ZBTB49: variants seen among roughly 807,000 people sequenced by gnomAD.
ZBTB49 encodes zinc finger and BTB domain containing 49.
A neutral mutation model predicts 57.5 loss-of-function variants in ZBTB49; 43 were observed. That is an observed-to-expected ratio of 0.75 (90% CI 0.59 to 0.97). The LOEUF (loss-of-function observed/expected upper bound fraction) is 0.97. Ranked by LOEUF, ZBTB49 falls within the 50% of genes least tolerant of loss-of-function variation. The pLI, the probability that ZBTB49 is intolerant of heterozygous loss-of-function variation, is 0.00. For missense variants in ZBTB49, 938 were observed against 947.7 expected (o/e 0.99, Z 0.13); for synonymous variants, 369 against 362.1 (o/e 1.02, Z -0.22).
chr4:4,300,061 A>T lies in ZBTB49; in HGVS notation c.116A>T (p.His39Leu). The change falls in exon 2 of 8, where the codon CAT becomes CTT. Residue 39 changes from histidine (H) to leucine (L), a missense_variant. Coordinates refer to ENST00000337872, the MANE Select transcript of ZBTB49 (RefSeq NM_145291.4). ...GTAAAAGGAGTCTGCTTTAAAGCGC[A>T]TAAGAATGTCCTGGCAGCATTCAGC... ...LVVKGVCFKA[H>L]KNVLAAFSQY... 1 of 1,614,214 alleles carries T rather than the reference A, an allele frequency of 6.2e-7. No homozygotes were observed. Among genetic ancestry groups the T allele is most frequent in the Non-Finnish European group, 8.5e-7 (1 of 1,180,036 alleles).
intron 7 of ZBTB49, 64 bp downstream of exon 7, chr4:4,316,034 C>G (rs560440693): frequency 1.9e-6 from 3 of 1,581,566 alleles, no homozygotes; most frequent in East Asian, 2.2e-5. Flanking sequence ...GTCCCCCAGC[C>G]CTCATTAGCT....
At position 4,321,221 on chromosome 4, in the gene ZBTB49, A is replaced by G. The variant is rs745911991; in HGVS notation, c.2203A>G (p.Thr735Ala). The change falls in exon 8 of 8, where the codon ACT (threonine) becomes GCT (alanine). Residue 735 changes from threonine (T) to alanine (A), a missense_variant. Physicochemically the swap from Thr to Ala is moderately conservative, Grantham distance 58. Around this residue, in one of 3 missense-constraint regions of ZBTB49, gnomAD observed 835 missense variants for 819.1 expected, o/e 1.02. Transcript: ENST00000337872. Reference protein sequence around the residue: ...DPLGSRASSTTYRNSEGQFFS... With the variant: ...DPLGSRASSTAYRNSEGQFFS... ...CCTGGGCAGTCGAGCATCTTCCACC[A>G]CTTATAGGAACTCAGAGGGTCAGTT... The G allele has an allele frequency of 1.2e-6, 2 of 1,613,996 alleles. No individual in the cohort carries two copies. Among genetic ancestry groups the G allele is most frequent in the Non-Finnish European group, 1.7e-6 (2 of 1,180,000 alleles).
intron 7 of ZBTB49, among the ~76,000 whole-genome samples, chr4:4,316,270 C>T (rs1375409548): frequency 6.6e-6 from 1 of 152,140 alleles, no homozygotes; most frequent in Non-Finnish European, 1.5e-5. Context: ...AAGTAGGGGA[C>T]AGCAGGACGT....
chr4:4,295,641 C>T (rs923381847), intron 1 of ZBTB49, among the ~76,000 whole-genome samples: 1 of 152,192 alleles, frequency 6.6e-6, no homozygotes, highest in Non-Finnish European at 1.5e-5. Flanking sequence ...GCACTGGGAA[C>T]AGTGTTCGCC....
chr4:4,299,033 T>C (rs1030008413), intron 1 of ZBTB49, among the ~76,000 whole-genome samples: 6 of 152,202 alleles, frequency 3.9e-5, no homozygotes, highest in African/African-American at 1.4e-4. Context: ...GGCTGAAGGT[T>C]GAAGCTTGCA....
At chr4:4,294,963 A>G (rs2980162) in intron 1 of ZBTB49, among the ~76,000 whole-genome samples, 37,784 of 150,814 alleles carry the variant, frequency 0.25, 5,249 homozygotes, top group Admixed American at 0.32. Flanking sequence ...AAAAGCATAG[A>G]CTCCAGTGTT....
intron 4 of ZBTB49, among the ~76,000 whole-genome samples, chr4:4,312,095 A>G (rs1721002193): frequency 6.6e-6 from 1 of 152,036 alleles, no homozygotes; most frequent in South Asian, 2.1e-4. Context: ...CTCGTTTTTC[A>G]CTTATCTTGT....
intron 1 of ZBTB49, among the ~76,000 whole-genome samples, chr4:4,295,597 T>G (rs911106377): frequency 6.6e-6 from 1 of 152,238 alleles, no homozygotes; most frequent in African/African-American, 2.4e-5. Flanking sequence ...GGTAACTGAT[T>G]ACTCACTTGG....
intron 3 of ZBTB49, among the ~76,000 whole-genome samples, chr4:4,303,829 A>G (rs966480604): frequency 6.6e-6 from 1 of 151,514 alleles, no homozygotes; most frequent in African/African-American, 2.4e-5. Flanking sequence ...TACAATACAT[A>G]TATATTACTT....
At chr4:4,318,894 CTTTTTT>C (rs113390733) in intron 7 of ZBTB49, among the ~76,000 whole-genome samples, 58 of 130,942 alleles carry the variant, frequency 4.4e-4, no homozygotes, top group African/African-American at 1.6e-3. Context: ...TTTTTTTAAT[CTTTTTT>C]TTTTTTTTTT....
intron 3 of ZBTB49, among the ~76,000 whole-genome samples, chr4:4,303,823 A>G (rs1405911273): frequency 4.0e-5 from 6 of 149,800 alleles, no homozygotes; most frequent in Non-Finnish European, 7.4e-5. Context: ...ATGTTATACA[A>G]TACATATATA....
intron 4 of ZBTB49, among the ~76,000 whole-genome samples, chr4:4,309,266 T>C (rs930704608): frequency 1.3e-5 from 2 of 152,182 alleles, no homozygotes; most frequent in Non-Finnish European, 2.9e-5. Flanking sequence ...CCACAGAAGC[T>C]GCATCTGTCC....
In ZBTB49 at chr4:4,315,948, GC is replaced by G. The variant is rs1390039329; in HGVS notation, c.1601del (p.Pro534LeufsTer90). On this transcript the variant is annotated frameshift_variant, in exon 7 of 8. Transcript: ENST00000337872. LOFTEE classifies it low-confidence loss of function (END_TRUNC). The stretch of plus-strand genomic sequence containing the variant: ...ACAGAATTCGGCACACGGGGGAGCG[GC>G]CTTACAGCTGCTCTGCCTGCGGTGA... ...KHRIRHTGER[P>X]YSCSACGKCF... The G allele has an allele frequency of 3.1e-6, 5 of 1,614,010 alleles. No homozygotes were observed. The highest frequency in any genetic ancestry group is 4.2e-6 in the Non-Finnish European group (5 of 1,180,026).
At chr4:4,303,968 T>C (rs1295281511) in intron 3 of ZBTB49, among the ~76,000 whole-genome samples, 1 of 152,148 alleles carries the variant, frequency 6.6e-6, no homozygotes, top group Non-Finnish European at 1.5e-5. Context: ...TGTGTAATTG[T>C]GTTTGTTGAT....
At chr4:4,297,145 A>G (rs932002049) in intron 1 of ZBTB49, among the ~76,000 whole-genome samples, 2 of 152,156 alleles carry the variant, frequency 1.3e-5, no homozygotes, top group African/African-American at 4.8e-5. Context: ...ATCTCAGCTC[A>G]CTGCAACCTC....
intron 4 of ZBTB49, among the ~76,000 whole-genome samples, chr4:4,310,663 C>T (rs951470857): frequency 6.8e-6 from 1 of 146,326 alleles, no homozygotes; most frequent in Non-Finnish European, 1.5e-5. Context: ...GCGCCCGCCA[C>T]CATGCCTGGC....
intron 3 of ZBTB49, among the ~76,000 whole-genome samples, chr4:4,304,843 A>ATT (rs1267326673): frequency 4.6e-5 from 7 of 152,260 alleles, no homozygotes; most frequent in Middle Eastern, 3.4e-3. Context: ...TGAAGTGTGT[A>ATT]TTTACCTGTT....
intron 3 of ZBTB49, among the ~76,000 whole-genome samples, chr4:4,304,844 T>A (rs1720668948): frequency 6.6e-6 from 1 of 152,154 alleles, no homozygotes; most frequent in Non-Finnish European, 1.5e-5. Flanking sequence ...GAAGTGTGTA[T>A]TTACCTGTTC....
At position 4,321,573 on chromosome 4, in the gene ZBTB49, G is replaced by T; in HGVS notation, c.*257G>T. ...GCGAAGGCTTGATGCTGTCTCAGCA[G>T]CCTCAGCTGTGGGGGGGAAGCGCGT... On this transcript the variant is annotated 3_prime_UTR_variant, in exon 8 of 8. Transcript: ENST00000337872. 2 of 532,454 alleles carry T rather than the reference G, an allele frequency of 3.8e-6. No individual in the cohort carries two copies. Among genetic ancestry groups the T allele is most frequent in the South Asian group, 2.4e-5 (1 of 42,296 alleles). 33.0% of individuals were successfully genotyped at this position (532,454 alleles called of 1,614,324 possible).
Sources: gnomAD v4.1 joint callset for allele counts (sites outside exome capture counted in the v4.1 genomes callset) on GRCh38, gnomAD v4.1.1 for gene constraint, gnomAD v4.1.1 regional missense constraint, MANE v1.5 for transcripts, NCBI Gene and HGNC (gene_info 2026-07-23, HGNC 2026-07-21) for gene names.